Variants in ALPK1 observed in about 807,000 individuals in gnomAD.
ALPK1 encodes alpha-protein kinase 1.
Under a neutral mutation model 120.6 loss-of-function variants are expected in ALPK1, and 110 were observed. The observed-to-expected ratio is 0.91, with a 90% confidence interval of 0.78 to 1.07. ALPK1 has a LOEUF of 1.07. Among genes scored for constraint, ALPK1 ranks in the 50% least tolerant of loss-of-function variants. The pLI is 0.00. For missense variants in ALPK1, 1,498 were observed against 1,483.9 expected, an observed-to-expected ratio of 1.01 and a Z score of -0.16; for synonymous variants, 582 against 560.3, an observed-to-expected ratio of 1.04 and a Z score of -0.55.
intron 2 of ALPK1, among the ~76,000 whole-genome samples, chr4:112,330,493 C>T (rs1467395977): frequency 6.6e-6 from 1 of 152,098 alleles, no homozygotes; most frequent in East Asian, 1.9e-4. Flanking sequence ...TGAATATTGG[C>T]TACGGTCCTT....
At chr4:112,314,928 T>C (rs1027168333) in intron 1 of ALPK1, among the ~76,000 whole-genome samples, 120 of 145,702 alleles carry the variant, frequency 8.2e-4, no homozygotes, top group African/African-American at 2.8e-3. Flanking sequence ...TTGCCCAGGC[T>C]GGAGTGCAGT....
At chr4:112,394,730 G>A (rs549124755) in intron 4 of ALPK1, among the ~76,000 whole-genome samples, 7 of 152,168 alleles carry the variant, frequency 4.6e-5, no homozygotes, top group African/African-American at 1.7e-4. Flanking sequence ...CTTTGATGAG[G>A]CTAAATCTAT....
intron 2 of ALPK1, among the ~76,000 whole-genome samples, chr4:112,371,127 TC>T (rs1731384806): frequency 6.6e-6 from 1 of 152,180 alleles, no homozygotes; most frequent in Admixed American, 6.5e-5. Context: ...CTCAATTCTG[TC>T]CAGTTTTCTA....
In ALPK1 at chr4:112,430,914, T is replaced by C; in HGVS notation, c.1367T>C (p.Leu456Pro). ...LHGQGDFQKILDTYSQHHTSV... is the reference protein window; with the variant it reads ...LHGQGDFQKIPDTYSQHHTSV... ...GGGCAAGGGGATTTCCAAAAAATCC[T>C]TGACACCTATTCACAGCACCATACT... Residue 456 changes from leucine to proline, a missense_variant, in exon 11 of 16, where the codon CTT becomes CCT. Leu to Pro is a moderately conservative substitution (Grantham distance 98). Transcript: ENST00000650871. 6.2e-7 allele frequency: 1 copy of C among 1,614,198 alleles called. No homozygotes were observed. The highest frequency in any genetic ancestry group is 1.1e-5 in the South Asian group (1 of 91,090).
chr4:112,379,105 C>T (rs754737998), intron 3 of ALPK1, among the ~76,000 whole-genome samples: 3 of 152,234 alleles, frequency 2.0e-5, no homozygotes, highest in Non-Finnish European at 2.9e-5. Context: ...GTTGTTTCCA[C>T]TGAAGTTTTT....
chr4:112,437,157 A>C (rs1225149570), intron 12 of ALPK1, among the ~76,000 whole-genome samples: 1 of 152,190 alleles, frequency 6.6e-6, no homozygotes, highest in Non-Finnish European at 1.5e-5. Context: ...AGTCAAAGAA[A>C]ATAGACAGAT....
intron 2 of ALPK1, among the ~76,000 whole-genome samples, chr4:112,330,726 T>A (rs1355039412): frequency 6.6e-6 from 1 of 152,166 alleles, no homozygotes; most frequent in African/African-American, 2.4e-5. Context: ...TAAAACAGAA[T>A]GTGTAATAGA....
intron 2 of ALPK1, chr4:112,357,022 G>A (rs1209475323): frequency 3.8e-6 from 3 of 797,838 alleles, no homozygotes; most frequent in Non-Finnish European, 6.7e-6. Context: ...CCCAACCGGA[G>A]TTCAGCGCGG....
At chr4:112,407,513 C>A (rs7681983) in intron 4 of ALPK1, among the ~76,000 whole-genome samples, 74,080 of 151,900 alleles carry the variant, frequency 0.49, 18,633 homozygotes, top group African/African-American at 0.62. Context: ...ATAAAAATAA[C>A]AGAGAGAGAG....
Position 112,411,904 on chromosome 4 carries a change from GT to G in ALPK1, c.355del (p.Tyr119MetfsTer38). 6.2e-7 allele frequency: 1 copy of G among 1,614,136 alleles called. No individual in the cohort carries two copies. The highest frequency in any genetic ancestry group is 8.5e-7 in the Non-Finnish European group (1 of 1,180,032). ...AIVFLVDRFL[Y>X]GLDVSGKLLQ... ...TTGTGTTCTTGGTGGACCGGTTCCTGTATGGGCTCGACGTCTCTGGAAAACT... is the reference window on the plus strand; with the variant it reads ...TTGTGTTCTTGGTGGACCGGTTCCTGATGGGCTCGACGTCTCTGGAAAACT... On this transcript the variant is annotated frameshift_variant, in exon 5 of 16. Transcript: ENST00000650871. LOFTEE classifies it high-confidence loss of function.
chr4:112,423,898 T>C lies in ALPK1; in HGVS notation c.476-46T>C, dbSNP rs767473198. 1.2e-5 allele frequency: 19 copies of C among 1,593,594 alleles called. No homozygotes were observed. In the East Asian group the frequency reaches 3.1e-4, roughly 26 times the overall value. On this transcript the variant is annotated intron_variant, in intron 5 of 15. Coordinates refer to ENST00000650871, the MANE Select transcript of ALPK1 (RefSeq NM_025144.4). ...ACATGAACAACTTGTAATTGTTAAG[T>C]GCATGTTCAAAGCTAATTGTGTGGC...
chr4:112,362,929 C>A (rs1730976523), intron 2 of ALPK1, among the ~76,000 whole-genome samples: 1 of 152,210 alleles, frequency 6.6e-6, no homozygotes, highest in Non-Finnish European at 1.5e-5. Flanking sequence ...GGAGTCCTAT[C>A]TTTAGCCTCC....
At chr4:112,319,392 T>C (rs1311165028) in intron 2 of ALPK1, among the ~76,000 whole-genome samples, 1 of 152,190 alleles carries the variant, frequency 6.6e-6, no homozygotes, top group Non-Finnish European at 1.5e-5. Flanking sequence ...GTATTTCTAT[T>C]TAGTCATTCT....
chr4:112,351,540 C>G (rs1730357222), intron 2 of ALPK1, among the ~76,000 whole-genome samples: 1 of 151,466 alleles, frequency 6.6e-6, no homozygotes, highest in Admixed American at 6.6e-5. Context: ...GTGGCACGAT[C>G]TCGGCTCACT....
At position 112,429,233 on chromosome 4, in the gene ALPK1, C is replaced by T; in HGVS notation, c.880C>T (p.Leu294Phe). 1.2e-6 allele frequency: 2 copies of T among 1,612,432 alleles called. No individual in the cohort carries two copies. Among genetic ancestry groups the T allele is most frequent in the East Asian group, 2.2e-5 (1 of 44,884 alleles). ...AGCTGCCTTCAGTGCCTATACGCCG[C>T]TCTTCGTGCTCACAGCTGTGGTAAA... is the stretch of plus-strand genomic sequence containing the variant. Reference protein sequence around the residue: ...LAAAFSAYTPLFVLTAVNIRG... With the variant: ...LAAAFSAYTPFFVLTAVNIRG... Residue 294 changes from leucine (L) to phenylalanine (F), a missense_variant, in exon 10 of 16, where the codon CTC (leucine) becomes TTC (phenylalanine). Transcript: ENST00000650871.
chr4:112,349,803 C>T (rs1436813036), intron 2 of ALPK1, among the ~76,000 whole-genome samples: 2 of 152,122 alleles, frequency 1.3e-5, no homozygotes, highest in East Asian at 3.9e-4. Context: ...CCACCTGCCT[C>T]GGCCTCCCAA....
At chr4:112,358,050 C>A in intron 2 of ALPK1, 1 of 592,368 alleles carries the variant, frequency 1.7e-6, no homozygotes, top group East Asian at 3.9e-5. Context: ...GTGATCATCA[C>A]GGGCCTCCAT....
chr4:112,365,150 A>C (rs1731085347), intron 2 of ALPK1, among the ~76,000 whole-genome samples: 1 of 152,182 alleles, frequency 6.6e-6, no homozygotes, highest in Non-Finnish European at 1.5e-5. Context: ...GGAACAAGAC[A>C]AAGACGCCCA....
chr4:112,312,305 G>T (rs539356284), intron 1 of ALPK1, among the ~76,000 whole-genome samples: 5 of 149,852 alleles, frequency 3.3e-5, no homozygotes, highest in Middle Eastern at 3.4e-3. Flanking sequence ...ATGGAGTCTT[G>T]CTCTGTCGCC....
Sources: gnomAD v4.1 joint callset for allele counts (sites outside exome capture counted in the v4.1 genomes callset) on GRCh38, gnomAD v4.1.1 for gene constraint, MANE v1.5 for transcripts, NCBI Gene and HGNC (gene_info 2026-07-23, HGNC 2026-07-21) for gene names.